Variants in IFT81 observed in about 807,000 individuals in gnomAD.
The protein encoded by IFT81 is intraflagellar transport 81.
A neutral mutation model predicts 102.6 loss-of-function variants in IFT81; 72 were observed. That is an observed-to-expected ratio of 0.70 (90% CI 0.58 to 0.85). IFT81 has a LOEUF of 0.85. Ranked by LOEUF, IFT81 falls within the 40% of genes least tolerant of loss-of-function variation. The probability of loss-of-function intolerance (pLI) is 0.00; values close to 1 mark genes in which losing one functional copy is unlikely to be tolerated. For synonymous variants in IFT81, 237 were observed against 242.7 expected, an observed-to-expected ratio of 0.98 and a Z score of 0.22; for missense variants, 723 against 787.3, an observed-to-expected ratio of 0.92 and a Z score of 0.98.
chr12:110,190,751 G>T (rs1226627354), intron 12 of IFT81, among the ~76,000 whole-genome samples, 169 bp from the exon 13 acceptor site: 6 of 152,042 alleles, frequency 3.9e-5, no homozygotes, highest in African/African-American at 1.2e-4. Flanking sequence ...ATATACAAAG[G>T]CATGTAATTG....
chr12:110,195,781 A>G (rs1203126910), intron 14 of IFT81, among the ~76,000 whole-genome samples: 2 of 152,194 alleles, frequency 1.3e-5, no homozygotes, highest in African/African-American at 4.8e-5. Context: ...CATAAGAACA[A>G]TATTCCCTGA....
intron 11 of IFT81, among the ~76,000 whole-genome samples, chr12:110,170,706 A>G (rs1268304491): frequency 6.6e-6 from 1 of 152,220 alleles, no homozygotes; most frequent in East Asian, 1.9e-4. Flanking sequence ...ATGAAAGGTC[A>G]TCCTTGGTTT....
chr12:110,191,132 T>G lies in IFT81; in HGVS notation c.1467+84T>G. 5 of 1,220,168 alleles carry G rather than the reference T, an allele frequency of 4.1e-6. 1 individual carries two copies. In the South Asian group the frequency reaches 7.7e-5, roughly 19 times the overall value. 75.6% of individuals were successfully genotyped at this position (1,220,168 alleles called of 1,614,324 possible). On this transcript the variant is annotated intron_variant, in intron 13 of 18. Transcript: ENST00000242591. Reference sequence around the variant, plus strand: ...TGTTAGTTTTATTTTCAGTGAAACATTCACCTGTTAATTTCTGCACATTAC... The same window carrying G: ...TGTTAGTTTTATTTTCAGTGAAACAGTCACCTGTTAATTTCTGCACATTAC...
At chr12:110,142,710 C>T (rs1894969851) in intron 8 of IFT81, among the ~76,000 whole-genome samples, 3 of 150,900 alleles carry the variant, frequency 2.0e-5, no homozygotes. Flanking sequence ...GGCAACATGG[C>T]AAAACCTCGT....
chr12:110,140,466 T>G (rs114793479), intron 8 of IFT81, among the ~76,000 whole-genome samples: 2,576 of 152,336 alleles, frequency 0.017, 77 homozygotes, highest in African/African-American at 0.058. Flanking sequence ...TCTGTCACTA[T>G]AAATCAGTTT....
chr12:110,214,200 ACATT>A (rs983667357), intron 18 of IFT81, among the ~76,000 whole-genome samples: 7 of 152,154 alleles, frequency 4.6e-5, no homozygotes, highest in Admixed American at 2.0e-4. Context: ...CAAATTATAA[ACATT>A]CATTTGTATA....
At chr12:110,155,854 C>G (rs1895809991) in intron 10 of IFT81, among the ~76,000 whole-genome samples, 1 of 151,780 alleles carries the variant, frequency 6.6e-6, no homozygotes, top group Admixed American at 6.6e-5. Flanking sequence ...TAGCTATTTT[C>G]TTTGTGGTTA....
rs1239573709 is a variant in IFT81 at position 110,154,982 on chromosome 12, A to AAAAAAAAAAAAAGTATTTTTTTTTG, written c.1041+7935_1042-7935insAAAAAAAAAAAGTATTTTTTTTTGA. Among the ~76,000 whole-genome samples, 973 of 152,136 alleles carry AAAAAAAAAAAAAGTATTTTTTTTTG rather than the reference A, an allele frequency of 6.4e-3. 1 individual carries two copies. Among genetic ancestry groups the AAAAAAAAAAAAAGTATTTTTTTTTG allele is most frequent in the Non-Finnish European group, 8.9e-3 (605 of 67,950 alleles). The stretch of plus-strand genomic sequence containing the variant: ...TATTGAGACTGAATGTTGAAGTCTC[A>AAAAAAAAAAAAAGTATTTTTTTTTG]AGCTATTATTATACAATTGTCTTTT... On this transcript the variant is annotated intron_variant, in intron 10 of 18. Coordinates refer to ENST00000242591, the MANE Select transcript of IFT81 (RefSeq NM_014055.4).
intron 1 of IFT81, among the ~76,000 whole-genome samples, chr12:110,125,693 C>T (rs1419412996): frequency 6.6e-6 from 1 of 152,246 alleles, no homozygotes; most frequent in African/African-American, 2.4e-5. Flanking sequence ...CAGCTCCCGG[C>T]AGCAACTCAT....
chr12:110,210,343 G>T (rs1336936291), intron 18 of IFT81, among the ~76,000 whole-genome samples: 1 of 152,100 alleles, frequency 6.6e-6, no homozygotes, highest in Non-Finnish European at 1.5e-5. Context: ...TGAGTTATAA[G>T]ATCATCTTCA....
intron 14 of IFT81, among the ~76,000 whole-genome samples, chr12:110,193,712 G>A (rs1897890490): frequency 6.6e-6 from 1 of 152,100 alleles, no homozygotes; most frequent in African/African-American, 2.4e-5. Context: ...TACTTTAATG[G>A]ACAACCCTGA....
chr12:110,141,029 T>C (rs181682449), intron 8 of IFT81, among the ~76,000 whole-genome samples: 60 of 143,488 alleles, frequency 4.2e-4, no homozygotes, highest in Non-Finnish European at 7.5e-4. Context: ...GCCTGGCCTA[T>C]TTTTTATTTT....
Position 110,192,613 on chromosome 12 carries a change from A to G in IFT81, c.1468-4A>G. On this transcript the variant is annotated splice_polypyrimidine_tract_variant and splice_region_variant and intron_variant, in intron 13 of 18. Coordinates refer to ENST00000242591, the MANE Select transcript of IFT81 (RefSeq NM_014055.4). Reference sequence around the variant, plus strand: ...AGGTGTTATATTTTTTGTTCAAATAACAGGTGAAAAAACTGTATTCATTGG... The same window carrying G: ...AGGTGTTATATTTTTTGTTCAAATAGCAGGTGAAAAAACTGTATTCATTGG... The G allele has an allele frequency of 6.7e-7, 1 of 1,491,006 alleles. No homozygotes were observed. The highest frequency in any genetic ancestry group is 2.1e-5 in the Admixed American group (1 of 46,730). 92.4% of individuals were successfully genotyped at this position (1,491,006 alleles called of 1,614,324 possible).
At chr12:110,217,114 A>C (rs1870237632) in intron 18 of IFT81, among the ~76,000 whole-genome samples, 1 of 152,106 alleles carries the variant, frequency 6.6e-6, no homozygotes, top group Admixed American at 6.6e-5. Flanking sequence ...GCACGACTGC[A>C]GCTCATTGCA....
intron 11 of IFT81, among the ~76,000 whole-genome samples, chr12:110,177,035 C>G (rs1009736354): frequency 7.2e-5 from 11 of 152,268 alleles, no homozygotes; most frequent in African/African-American, 2.4e-4. Flanking sequence ...TTATGTCAGG[C>G]TTACACATTT....
chr12:110,190,960 A>G lies in IFT81; in HGVS notation c.1379A>G (p.Tyr460Cys), dbSNP rs773369882. 6.2e-7 allele frequency: 1 copy of G among 1,604,936 alleles called. No homozygotes were observed. Among genetic ancestry groups the G allele is most frequent in the Admixed American group, 1.7e-5 (1 of 58,504 alleles). Reference sequence around the variant, plus strand: ...AAAAAGGGTATATCTGGATATAGTTACACCCAAGAAGAGCTAGAAAGAGTA... The same window carrying G: ...AAAAAGGGTATATCTGGATATAGTTGCACCCAAGAAGAGCTAGAAAGAGTA... ...EEKKGISGYS[Y>C]TQEELERVSA... Residue 460 changes from tyrosine (Y) to cysteine (C), a missense_variant, in exon 13 of 19, where the codon TAC becomes TGC. Tyr to Cys is a radical substitution (Grantham distance 194). Transcript: ENST00000242591.
Position 110,143,422 on chromosome 12 carries a change from A to C in IFT81, c.822A>C (p.Leu274Phe), listed in dbSNP as rs373713735. Residue 274 changes from leucine (L) to phenylalanine (F), a missense_variant, in exon 9 of 19, where the codon TTA (leucine) becomes TTC (phenylalanine). Leu to Phe is a conservative substitution (Grantham distance 22, BLOSUM62 0). Transcript: ENST00000242591. ...KRLEEEIKFN[L>F]YMVTEKFPKE... ...TAGAGGAGGAGATAAAATTTAATTT[A>C]TATATGGTAACTGAAAAATTTCCTA... 35 of 1,476,466 alleles carry C rather than the reference A, an allele frequency of 2.4e-5. No homozygotes were observed. The African/African-American group carries it at 5.1e-4, about 22-fold the overall frequency. 91.5% of individuals were successfully genotyped at this position (1,476,466 alleles called of 1,614,324 possible).
intron 11 of IFT81, among the ~76,000 whole-genome samples, chr12:110,163,302 G>C (rs185649725): frequency 1.3e-4 from 19 of 151,780 alleles, no homozygotes; most frequent in Admixed American, 1.1e-3. Context: ...GTGCAATGGC[G>C]GGATCTCTGC....
rs1893900259 is a variant in IFT81 at position 110,127,249 on chromosome 12, C to T, written c.-21-111C>T. 1.1e-5 allele frequency: 11 copies of T among 1,014,086 alleles called. No individual in the cohort carries two copies. In the Admixed American group the frequency reaches 2.2e-4, roughly 20 times the overall value. The allele number at this position is 1,014,086 out of a possible 1,614,324, so 62.8% of individuals were successfully genotyped here. On this transcript the variant is annotated intron_variant, in intron 1 of 18. Coordinates refer to ENST00000242591, the MANE Select transcript of IFT81 (RefSeq NM_014055.4). ...AACCCTTTTCACAGCATTTTGTATGCCATGTAAAATTATACTTTTCATGCC... is the reference window on the plus strand; with the variant it reads ...AACCCTTTTCACAGCATTTTGTATGTCATGTAAAATTATACTTTTCATGCC...
Sources: allele counts gnomAD v4.1 joint callset (sites outside exome capture counted in the v4.1 genomes callset), GRCh38; gene constraint gnomAD v4.1.1; transcripts MANE v1.5; gene names NCBI Gene and HGNC (gene_info 2026-07-23, HGNC 2026-07-21).